The following BACH2 variants were observed in gnomAD, a reference collection of about 807,000 sequenced individuals.
The protein encoded by BACH2 is BACH transcriptional regulator 2.
A neutral mutation model predicts 61.8 loss-of-function variants in BACH2; 5 were observed. That is an observed-to-expected ratio of 0.08 (90% confidence interval 0.04 to 0.17). BACH2 has a LOEUF of 0.17. BACH2 is among the 10% of genes least tolerant of loss of function. The pLI, the probability that BACH2 is intolerant of heterozygous loss-of-function variation, is 1.00. For synonymous variants in BACH2, 446 were observed against 440.1 expected, an observed-to-expected ratio of 1.01 and a Z score of -0.17; for missense variants, 824 against 1,091.1, an observed-to-expected ratio of 0.76 and a Z score of 3.45.
At chr6:90,097,973 C>T (rs529287188) in intron 4 of BACH2, among the ~76,000 whole-genome samples, 24 of 152,256 alleles carry the variant, frequency 1.6e-4, no homozygotes, top group Admixed American at 9.2e-4. Context: ...TGTGAGACAC[C>T]ATGTGAAAAG....
intron 4 of BACH2, among the ~76,000 whole-genome samples, chr6:90,099,522 G>C (rs1782525907): frequency 6.6e-6 from 1 of 152,170 alleles, no homozygotes; most frequent in South Asian, 2.1e-4. Flanking sequence ...GGGACTACAG[G>C]TGTGTGCCCT....
intron 1 of BACH2, among the ~76,000 whole-genome samples, chr6:90,279,623 ATAAAG>A (rs1771799155): frequency 6.6e-6 from 1 of 152,124 alleles, no homozygotes; most frequent in Non-Finnish European, 1.5e-5. Flanking sequence ...ACATTAAGCC[ATAAAG>A]TAGTTTCTTG....
rs575170055 is a variant in BACH2, at chr6:90,013,110, AT to A, written c.-12-4255del. Among the ~76,000 whole-genome samples the A allele has an allele frequency of 1.4e-3, 208 of 152,166 alleles. 1 individual carries two copies. The highest frequency in any genetic ancestry group is 4.6e-3 in the African/African-American group (192 of 41,514). On this transcript the variant is annotated intron_variant, in intron 5 of 8. Transcript: ENST00000257749. ...GTATATACATACAAATAATTTTTGT[AT>A]TTTGATCTTGTATCTGGAAACCTTG... is the stretch of plus-strand genomic sequence containing the variant.
At chr6:90,191,565 G>T (rs1019912988) in intron 4 of BACH2, among the ~76,000 whole-genome samples, 1 of 152,192 alleles carries the variant, frequency 6.6e-6, no homozygotes, top group Non-Finnish European at 1.5e-5. Context: ...ATGGAAACGT[G>T]CATGGATTTT....
intron 5 of BACH2, among the ~76,000 whole-genome samples, chr6:90,071,003 G>T (rs935082557): frequency 1.3e-5 from 2 of 151,832 alleles, no homozygotes; most frequent in Non-Finnish European, 2.9e-5. Context: ...TTTTTGGGGG[G>T]AAGTCAGAGT....
chr6:90,028,355 C>T lies in BACH2; in HGVS notation c.-12-19499G>A, dbSNP rs571130241. ...ACTTGTATTGATTCTCATCTGATAA[C>T]ATTTCCTAAAAGATTCCATTCCTTC... On this transcript the variant is annotated intron_variant, in intron 5 of 8. Coordinates refer to ENST00000257749, the MANE Select transcript of BACH2 (RefSeq NM_021813.4). 2.6e-5 allele frequency among the ~76,000 whole-genome samples: 4 copies of T among 152,368 alleles called. No individual in the cohort carries two copies. The South Asian group carries it at 8.3e-4, about 32-fold the overall frequency.
chr6:89,940,365 A>T (rs553389958), intron 7 of BACH2, among the ~76,000 whole-genome samples: 1 of 152,186 alleles, frequency 6.6e-6, no homozygotes, highest in Non-Finnish European at 1.5e-5. Flanking sequence ...AAGAGCCCCA[A>T]GTGCGGAAGG....
chr6:89,953,611 G>A (rs1407115612), intron 6 of BACH2, among the ~76,000 whole-genome samples: 1 of 152,180 alleles, frequency 6.6e-6, no homozygotes, highest in Non-Finnish European at 1.5e-5. Flanking sequence ...ATCAGGAATG[G>A]TTTTGTCTGT....
chr6:90,148,269 T>C (rs1158911936), intron 4 of BACH2, among the ~76,000 whole-genome samples: 1 of 152,170 alleles, frequency 6.6e-6, no homozygotes, highest in Non-Finnish European at 1.5e-5. Flanking sequence ...CAAGTAGGAC[T>C]TACTGATCTA....
intron 5 of BACH2, among the ~76,000 whole-genome samples, chr6:90,053,673 T>C (rs1780168165): frequency 6.6e-6 from 1 of 152,212 alleles, no homozygotes; most frequent in Non-Finnish European, 1.5e-5. Flanking sequence ...CACTCTCATT[T>C]TGAAGGTTAT....
chr6:90,239,599 T>C (rs1770370043), intron 3 of BACH2, among the ~76,000 whole-genome samples: 1 of 152,212 alleles, frequency 6.6e-6, no homozygotes, highest in Admixed American at 6.5e-5. Flanking sequence ...TAATAATCTC[T>C]GGCAATATGC....
intron 4 of BACH2, among the ~76,000 whole-genome samples, chr6:90,097,604 C>T (rs1037670328): frequency 2.6e-5 from 4 of 152,026 alleles, no homozygotes; most frequent in African/African-American, 9.7e-5. Flanking sequence ...GGAATTCTTG[C>T]CTCAAAGGGT....
chr6:90,244,611 C>CGCGCACACAT (rs979278434), intron 3 of BACH2, among the ~76,000 whole-genome samples: 1 of 151,954 alleles, frequency 6.6e-6, no homozygotes, highest in South Asian at 2.1e-4. Flanking sequence ...CCCCTTCACA[C>CGCGCACACAT]GCGCACACAT....
At chr6:90,028,164 G>A (rs1778734435) in intron 5 of BACH2, among the ~76,000 whole-genome samples, 2 of 152,314 alleles carry the variant, frequency 1.3e-5, no homozygotes, top group East Asian at 1.9e-4. Flanking sequence ...CAACAGATCT[G>A]AGACCTCCCT....
chr6:90,067,567 A>C (rs1781023500), intron 5 of BACH2, among the ~76,000 whole-genome samples: 1 of 152,146 alleles, frequency 6.6e-6, no homozygotes, highest in Non-Finnish European at 1.5e-5. Context: ...GGCATGTGAG[A>C]GAGGATGCAG....
At chr6:90,137,179 A>G (rs1784299439) in intron 4 of BACH2, among the ~76,000 whole-genome samples, 1 of 152,216 alleles carries the variant, frequency 6.6e-6, no homozygotes, top group African/African-American at 2.4e-5. Flanking sequence ...CCAAGACACA[A>G]TAACACCTAA....
At chr6:89,947,071 C>T (rs1206425522) in intron 7 of BACH2, among the ~76,000 whole-genome samples, 1 of 152,160 alleles carries the variant, frequency 6.6e-6, no homozygotes, top group Non-Finnish European at 1.5e-5. Context: ...TGGGAAAACA[C>T]ACGCGAAGTA....
At chr6:90,248,070 T>C (rs1485048001) in intron 3 of BACH2, among the ~76,000 whole-genome samples, 3 of 152,196 alleles carry the variant, frequency 2.0e-5, no homozygotes, top group Non-Finnish European at 2.9e-5. Flanking sequence ...AGGCACTAAT[T>C]TTATTCCTCA....
intron 4 of BACH2, among the ~76,000 whole-genome samples, chr6:90,127,808 C>T (rs1582397359): frequency 6.6e-6 from 1 of 152,152 alleles, no homozygotes; most frequent in Non-Finnish European, 1.5e-5. Flanking sequence ...TGCTGAGCAG[C>T]GTCCTCTCTG....
Sources: gnomAD v4.1 joint callset for allele counts (sites outside exome capture counted in the v4.1 genomes callset) on GRCh38, gnomAD v4.1.1 for gene constraint, MANE v1.5 for transcripts, NCBI Gene and HGNC (gene_info 2026-07-23, HGNC 2026-07-21) for gene names.